The following DNAJC21 variants were observed in gnomAD, a reference collection of about 807,000 sequenced individuals.
DNAJC21 encodes DnaJ heat shock protein family (Hsp40) member C21.
Under a neutral mutation model 72.4 loss-of-function variants are expected in DNAJC21, and 63 were observed. That is an observed-to-expected ratio of 0.87 (90% CI 0.71 to 1.07). The LOEUF (loss-of-function observed/expected upper bound fraction) is 1.07. DNAJC21 is among the 50% of genes least tolerant of loss of function. The pLI is 0.00. For missense variants in DNAJC21, 634 were observed against 644.8 expected, an observed-to-expected ratio of 0.98 and a Z score of 0.18; for synonymous variants, 203 against 216.7, an observed-to-expected ratio of 0.94 and a Z score of 0.56.
At chr5:34,945,131 G>A (rs1297098599) in intron 8 of DNAJC21, 106 bp downstream of exon 8, 3 of 1,344,912 alleles carry the variant, frequency 2.2e-6, no homozygotes, top group Non-Finnish European at 3.1e-6. Context: ...AGGCTGGGGT[G>A]CAGTGGCGCA....
chr5:34,931,513 C>T (rs969258971), intron 1 of DNAJC21, among the ~76,000 whole-genome samples: 3 of 151,998 alleles, frequency 2.0e-5, no homozygotes, highest in South Asian at 2.1e-4. Context: ...TGACCAAAAG[C>T]GTATGTAATT....
At chr5:34,949,460 T>A in intron 9 of DNAJC21, 1 of 1,533,968 alleles carries the variant, frequency 6.5e-7, no homozygotes, top group Non-Finnish European at 8.8e-7. Context: ...ATTGGTAAAT[T>A]TGAATGTGGG....
intron 7 of DNAJC21, among the ~76,000 whole-genome samples, chr5:34,943,322 G>A (rs1765061161): frequency 6.6e-6 from 1 of 151,990 alleles, no homozygotes; most frequent in Admixed American, 6.5e-5. Context: ...TTTTTTCATA[G>A]AATTCTTCTC....
Position 34,950,214 on chromosome 5 carries a change from A to C in DNAJC21, c.1230A>C (p.Val410=). 3.1e-6 allele frequency: 5 copies of C among 1,613,360 alleles called. No homozygotes were observed. Among genetic ancestry groups the C allele is most frequent in the Non-Finnish European group, 3.4e-6 (4 of 1,179,772 alleles). Residue 410 remains valine, a synonymous_variant, in exon 10 of 12, where the codon GTA becomes GTC. Coordinates refer to ENST00000648817, the MANE Select transcript of DNAJC21 (RefSeq NM_001012339.3). ...NFNVNGPGEG[V]KVDPEDTNLN... ...ATGTAAATGGACCTGGAGAAGGAGT[A>C]AAGGTTGATCCAGAAGATACTAACT...
chr5:34,931,425 T>G (rs563010247), intron 1 of DNAJC21, among the ~76,000 whole-genome samples: 3 of 152,258 alleles, frequency 2.0e-5, no homozygotes, highest in Admixed American at 2.0e-4. Flanking sequence ...CTGTTAGAAA[T>G]CAAGTTAGGA....
rs201218342 is a variant in DNAJC21 at position 34,936,200 on chromosome 5, A to G, written c.372A>G (p.Glu124=). ...AAATGATTGCCAAGGAAGAACTAGA[A>G]TCTGTGTTAGAGGAAGAGGTTGATG... ...VFEMIAKEEL[E]SVLEEEVDDF... is the part of the protein sequence containing the mutation. The change falls in exon 4 of 12, where the codon GAA becomes GAG. Residue 124 remains glutamate (E), a synonymous_variant. Coordinates refer to ENST00000648817, the MANE Select transcript of DNAJC21 (RefSeq NM_001012339.3). 7 of 1,614,116 alleles carry G rather than the reference A, an allele frequency of 4.3e-6. No individual in the cohort carries two copies. The highest frequency in any genetic ancestry group is 1.7e-4 in the Middle Eastern group (1 of 6,060).
In DNAJC21 at chr5:34,954,578, G is replaced by T. The variant is rs763167242; in HGVS notation, c.1460G>T (p.Cys487Phe). The T allele has an allele frequency of 8.1e-6, 13 of 1,612,436 alleles. No homozygotes were observed. Among genetic ancestry groups the T allele is most frequent in the Non-Finnish European group, 1.1e-5 (13 of 1,179,444 alleles). The change falls in exon 12 of 12, where the codon TGC (cysteine) becomes TTC (phenylalanine). Residue 487 changes from cysteine (C) to phenylalanine (F), a missense_variant. Cys to Phe is a radical substitution (Grantham distance 205). Coordinates refer to ENST00000648817, the MANE Select transcript of DNAJC21 (RefSeq NM_001012339.3). ...AGTGTTCTTATCAGCTGTACAACCT[G>T]CCATAGTGAATTTCCATCTCGGAAT... Reference protein sequence around the residue: ...TMSVLISCTTCHSEFPSRNKL... With the variant: ...TMSVLISCTTFHSEFPSRNKL...
intron 4 of DNAJC21, 127 bp downstream of exon 4, chr5:34,936,393 A>C: frequency 4.1e-4 from 459 of 1,107,032 alleles, no homozygotes; most frequent in Non-Finnish European, 5.0e-4. Flanking sequence ...ATCATATCTC[A>C]CAGCAGCCTC....
intron 2 of DNAJC21, 88 bp downstream of exon 2, chr5:34,933,996 T>G: frequency 1.7e-6 from 2 of 1,168,178 alleles, no homozygotes; most frequent in East Asian, 5.1e-5. Flanking sequence ...ATTTAGTACA[T>G]TAAATGGTTT....
At chr5:34,935,889 A>G (rs1764754678) in intron 3 of DNAJC21, 56 bp downstream of exon 3, 27 of 1,602,448 alleles carry the variant, frequency 1.7e-5, no homozygotes, top group Non-Finnish European at 2.3e-5. Flanking sequence ...TAAGACTCAC[A>G]TACAAAGAGA....
In DNAJC21 at chr5:34,935,762, C is replaced by G. The variant is rs773566355; in HGVS notation, c.244C>G (p.Gln82Glu). 1.2e-6 allele frequency: 2 copies of G among 1,613,976 alleles called. No homozygotes were observed. The highest frequency in any genetic ancestry group is 1.7e-5 in the Admixed American group (1 of 60,012). ...TAAAGGTGGGTTTGATGGCGAATATCAAGATGACAGCTTAGATTTGCTACG... is the reference window on the plus strand; with the variant it reads ...TAAAGGTGGGTTTGATGGCGAATATGAAGATGACAGCTTAGATTTGCTACG... ...LLKGGFDGEY[Q>E]DDSLDLLRYF... The change falls in exon 3 of 12, where the codon CAA becomes GAA. Residue 82 changes from glutamine (Q) to glutamate (E), a missense_variant. By Grantham distance (29) the Gln-to-Glu change is conservative. Transcript: ENST00000648817.
Position 34,935,828 on chromosome 5 carries a change from G to T in DNAJC21, c.310G>T (p.Glu104Ter). Residue 104 changes from glutamate (E) to a stop codon, truncating the protein, a stop_gained, in exon 3 of 12, where the codon GAA becomes TAA. Transcript: ENST00000648817. LOFTEE classifies it high-confidence loss of function. ...CTGTTATTCTGGTTATGGAGATGAT[G>T]AAAAGGTAAGATAAATGAACTCACC... ...VTCYSGYGDD[E>*]KGFYTVYRNV... 6.2e-7 allele frequency: 1 copy of T among 1,613,944 alleles called. No individual in the cohort carries two copies. The highest frequency in any genetic ancestry group is 1.1e-5 in the South Asian group (1 of 91,066).
chr5:34,947,760 C>T (rs917702624), intron 9 of DNAJC21, among the ~76,000 whole-genome samples: 7 of 150,596 alleles, frequency 4.6e-5, no homozygotes, highest in South Asian at 2.1e-4. Context: ...ATTTCTGTGC[C>T]GTATTCTGTT....
chr5:34,931,030 C>G (rs1764571842), intron 1 of DNAJC21, among the ~76,000 whole-genome samples: 1 of 152,064 alleles, frequency 6.6e-6, no homozygotes, highest in South Asian at 2.1e-4. Context: ...GTGAACTCAA[C>G]AGTATGGAGG....
chr5:34,938,739 G>A, intron 5 of DNAJC21, 119 bp from the exon 6 acceptor site: 1 of 1,118,398 alleles, frequency 8.9e-7, no homozygotes, highest in Non-Finnish European at 1.2e-6. Flanking sequence ...TTTTAAGTTT[G>A]TAAGCGTGGA....
chr5:34,936,360 C>G (rs1051421122), intron 4 of DNAJC21, 94 bp downstream of exon 4: 13 of 1,456,228 alleles, frequency 8.9e-6, no homozygotes, highest in African/African-American at 7.1e-5. Context: ...ACTCTGTCAC[C>G]CAGGCTGCAG....
Position 34,945,811 on chromosome 5 carries a change from A to T in DNAJC21, c.1185+8A>T. On this transcript the variant is annotated splice_region_variant and intron_variant, in intron 9 of 11. Transcript: ENST00000648817. ...AAACAGAAACCAGCACAGGTATGTT[A>T]GAAAGGTTTTGTTAACATTAAATGC... The T allele has an allele frequency of 6.4e-7, 1 of 1,573,554 alleles. No individual in the cohort carries two copies. The highest frequency in any genetic ancestry group is 8.6e-7 in the Non-Finnish European group (1 of 1,162,548).
intron 5 of DNAJC21, among the ~76,000 whole-genome samples, chr5:34,938,388 C>A (rs1764868044): frequency 6.6e-6 from 1 of 152,154 alleles, no homozygotes; most frequent in South Asian, 2.1e-4. Flanking sequence ...CTGCTTTAGC[C>A]ACCGTGCAGT....
At chr5:34,932,842 A>G (rs187822843) in intron 1 of DNAJC21, among the ~76,000 whole-genome samples, 37 of 152,362 alleles carry the variant, frequency 2.4e-4, no homozygotes, top group East Asian at 7.7e-4. Context: ...GAGAGAGGGA[A>G]AGCCCAAGGT....
Sources: gnomAD v4.1 joint callset for allele counts (sites outside exome capture counted in the v4.1 genomes callset) on GRCh38, gnomAD v4.1.1 for gene constraint, MANE v1.5 for transcripts, NCBI Gene and HGNC (gene_info 2026-07-23, HGNC 2026-07-21) for gene names.